DCAF12: variants seen among roughly 807,000 people sequenced by gnomAD.
DCAF12 encodes DDB1 and CUL4 associated factor 12, also known as DDB1- and CUL4-associated factor 12.
Under a neutral mutation model 52.8 loss-of-function variants are expected in DCAF12, and 28 were observed. The observed-to-expected ratio is 0.53, with a 90% confidence interval of 0.39 to 0.73. DCAF12 has a LOEUF of 0.73. Among genes scored for constraint, DCAF12 ranks in the 30% least tolerant of loss-of-function variants. The pLI, the probability that DCAF12 is intolerant of heterozygous loss-of-function variation, is 0.00. For missense variants in DCAF12, 425 were observed against 552.2 expected (o/e 0.77, Z 2.31); for synonymous variants, 196 against 215.5 (o/e 0.91, Z 0.79).
intron 2 of DCAF12, among the ~76,000 whole-genome samples, chr9:34,110,692 T>C (rs886352903): frequency 6.6e-6 from 1 of 152,088 alleles, no homozygotes; most frequent in Non-Finnish European, 1.5e-5. Flanking sequence ...AGTGAGACCC[T>C]GTCTCTACTT....
In DCAF12 at chr9:34,125,083, T is replaced by C. The variant is rs1221492515; in HGVS notation, c.273A>G (p.Lys91=). The stretch of plus-strand genomic sequence containing the variant: ...GATTCAACCACTGAGATGCAAACAC[T>C]TTATTAAGGGTCCCAAGGTGAAACT... ...EREFHLGTLN[K]VFASQWLNHR... The change falls in exon 2 of 9, where the codon AAA becomes AAG. Residue 91 remains lysine (K), a synonymous_variant. Coordinates refer to ENST00000361264, the MANE Select transcript of DCAF12 (RefSeq NM_015397.4). 1.2e-6 allele frequency: 2 copies of C among 1,614,046 alleles called. No homozygotes were observed. Among genetic ancestry groups the C allele is most frequent in the Admixed American group, 1.7e-5 (1 of 60,008 alleles).
chr9:34,106,840 G>A (rs957108237), intron 3 of DCAF12, among the ~76,000 whole-genome samples: 3 of 152,074 alleles, frequency 2.0e-5, no homozygotes, highest in Admixed American at 6.6e-5. Flanking sequence ...CTGCTCAAGC[G>A]TCATCCTATC....
chr9:34,097,559 A>G (rs1170505652), intron 5 of DCAF12, among the ~76,000 whole-genome samples: 1 of 151,894 alleles, frequency 6.6e-6, no homozygotes, highest in Non-Finnish European at 1.5e-5. Context: ...CCTGGGTGAC[A>G]CTCTGCTTTA....
intron 2 of DCAF12, among the ~76,000 whole-genome samples, chr9:34,110,524 C>G (rs945080060): frequency 5.9e-5 from 9 of 152,104 alleles, no homozygotes; most frequent in African/African-American, 2.2e-4. Flanking sequence ...GGAAATCTTC[C>G]CATGCCAGTC....
chr9:34,090,745 C>G (rs1828630067), intron 7 of DCAF12, among the ~76,000 whole-genome samples: 1 of 151,806 alleles, frequency 6.6e-6, no homozygotes, highest in African/African-American at 2.4e-5. Flanking sequence ...ACCTCCACCT[C>G]CCAGATTCAA....
intron 3 of DCAF12, among the ~76,000 whole-genome samples, 191 bp from the exon 4 acceptor site, chr9:34,106,685 A>C (rs1008491737): frequency 1.3e-5 from 2 of 152,196 alleles, no homozygotes; most frequent in African/African-American, 4.8e-5. Flanking sequence ...AGGAGCTCAA[A>C]GCTGGAATGA....
At chr9:34,117,282 C>CAA (rs148148525) in intron 2 of DCAF12, among the ~76,000 whole-genome samples, 17 of 133,662 alleles carry the variant, frequency 1.3e-4, no homozygotes, top group Non-Finnish European at 3.2e-5. Flanking sequence ...AGATGGAGCT[C>CAA]AAAAAAAAAA....
intron 4 of DCAF12, among the ~76,000 whole-genome samples, chr9:34,098,830 G>C (rs1279000113): frequency 6.8e-6 from 1 of 146,062 alleles, no homozygotes; most frequent in South Asian, 2.2e-4. Context: ...GTGCAGTGGT[G>C]CGATCTCAGC....
intron 5 of DCAF12, among the ~76,000 whole-genome samples, chr9:34,097,256 C>CT (rs999860045): frequency 0.016 from 1,492 of 94,816 alleles, 19 homozygotes; most frequent in African/African-American, 0.023. Flanking sequence ...TCTGACACTG[C>CT]TTTTTTTTTT....
intron 2 of DCAF12, among the ~76,000 whole-genome samples, chr9:34,108,506 A>G (rs1180175827): frequency 6.6e-6 from 1 of 152,154 alleles, no homozygotes; most frequent in Non-Finnish European, 1.5e-5. Context: ...TAAAATATAA[A>G]AAGGGCCGAG....
Position 34,087,425 on chromosome 9 carries a change from G to T in DCAF12, c.*925C>A, listed in dbSNP as rs554840202. 3 of 152,242 alleles carry T rather than the reference G, an allele frequency of 2.0e-5. No homozygotes were observed. Among genetic ancestry groups the T allele is most frequent in the African/African-American group, 7.2e-5 (3 of 41,450 alleles). The allele number at this position is 152,242 out of a possible 1,614,324, so 9.4% of individuals were successfully genotyped here. A position where few individuals can be genotyped will look rare whatever the true frequency, so the allele number is the denominator to read the frequency against. On this transcript the variant is annotated 3_prime_UTR_variant, in exon 9 of 9. Coordinates refer to ENST00000361264, the MANE Select transcript of DCAF12 (RefSeq NM_015397.4). ...CCCAGCTCCAGGCCCCTTAAAACCAGATCAGGTCTTGAGGGGAAGGAGAGA... is the reference window on the plus strand; with the variant it reads ...CCCAGCTCCAGGCCCCTTAAAACCATATCAGGTCTTGAGGGGAAGGAGAGA...
intron 2 of DCAF12, among the ~76,000 whole-genome samples, chr9:34,117,902 G>A (rs573384921): frequency 4.6e-5 from 7 of 152,124 alleles, no homozygotes; most frequent in East Asian, 1.9e-4. Context: ...CAACAAGAGC[G>A]AAACTCTGTC....
intron 2 of DCAF12, among the ~76,000 whole-genome samples, chr9:34,115,719 G>A (rs1829078541): frequency 6.6e-6 from 1 of 151,906 alleles, no homozygotes; most frequent in Admixed American, 6.6e-5. Context: ...AACTAGTGAT[G>A]GGTGAACAGT....
chr9:34,118,735 G>A (rs994606364), intron 2 of DCAF12, among the ~76,000 whole-genome samples: 1 of 151,632 alleles, frequency 6.6e-6, no homozygotes, highest in East Asian at 1.9e-4. Flanking sequence ...AGGCAGAGGT[G>A]GGCAGATCAC....
chr9:34,112,082 G>A (rs1485207864), intron 2 of DCAF12, among the ~76,000 whole-genome samples: 3 of 151,452 alleles, frequency 2.0e-5, no homozygotes, highest in Admixed American at 2.0e-4. Flanking sequence ...GGTGGAGGTT[G>A]CAGTGAGCCA....
intron 7 of DCAF12, among the ~76,000 whole-genome samples, chr9:34,090,202 T>TACAG (rs1828622432): frequency 6.6e-6 from 1 of 152,110 alleles, no homozygotes; most frequent in African/African-American, 2.4e-5. Flanking sequence ...TAGCTGGGAT[T>TACAG]ACAGGCTCCT....
At chr9:34,103,095 CAAAAAAAAAAAA>C (rs34456166) in intron 4 of DCAF12, among the ~76,000 whole-genome samples, 1 of 100,210 alleles carries the variant, frequency 1.0e-5, no homozygotes, top group Admixed American at 1.2e-4. Flanking sequence ...ACCTTAACTC[CAAAAAAAAAAAA>C]AAAAAAAAAA....
chr9:34,096,653 ATTACAGTATTTTAACTG>A, intron 6 of DCAF12, 46 bp downstream of exon 6: 1 of 1,383,004 alleles, frequency 7.2e-7, no homozygotes, highest in Non-Finnish European at 1.0e-6. Flanking sequence ...CTCAGCTAGA[ATTACAGTATTTTAACTG>A]TAAGGTGAAT....
intron 2 of DCAF12, among the ~76,000 whole-genome samples, chr9:34,123,965 C>G (rs893124850): frequency 1.3e-5 from 2 of 152,044 alleles, no homozygotes; most frequent in Non-Finnish European, 1.5e-5. Context: ...AAGGTTGGCC[C>G]CAACCACCAT....
Sources: allele counts gnomAD v4.1 joint callset (sites outside exome capture counted in the v4.1 genomes callset), GRCh38; gene constraint gnomAD v4.1.1; transcripts MANE v1.5; gene names NCBI Gene and HGNC (gene_info 2026-07-23, HGNC 2026-07-21).